DDX3X: variants seen among roughly 807,000 people sequenced by gnomAD.
DDX3X encodes the protein DEAD-box helicase 3 X-linked.
In DDX3X, 4 loss-of-function variants were observed where a neutral mutation model predicts 52.7. That is an observed-to-expected ratio of 0.08 (90% confidence interval 0.04 to 0.17). The LOEUF is 0.17. Among genes scored for constraint, DDX3X ranks in the 10% least tolerant of loss-of-function variants. DDX3X has a pLI of 1.00. For synonymous variants in DDX3X, 192 were observed against 178.1 expected, an observed-to-expected ratio of 1.08 and a Z score of -0.62; for missense variants, 222 against 548.6, an observed-to-expected ratio of 0.40 and a Z score of 5.95.
chrX:41,354,344 CTT>C (rs60965317), downstream of DDX3X, among the ~76,000 whole-genome samples: 17 of 69,910 alleles, frequency 2.4e-4, no homozygotes, highest in East Asian at 7.8e-4. Context: ...TGTGCTACCT[CTT>C]TTTTTTTTTT....
rs1227389622 is a variant in DDX3X, at chrX:41,344,035, T to C, written c.771T>C (p.Asn257=). Residue 257 remains asparagine, a synonymous_variant, in exon 9 of 17, where the codon AAT becomes AAC. Coordinates refer to ENST00000644876, the MANE Select transcript of DDX3X (RefSeq NM_001356.5). ...PGEALRAMKE[N]GRYGRRKQYP... ...AAAATTAACTTATTTCTTAGGAAAA[T>C]GGAAGGTATGGGCGCCGCAAACAAT... 1.7e-6 allele frequency: 2 copies of C among 1,200,723 alleles called. No individual in the cohort carries two copies. The highest frequency in any genetic ancestry group is 3.0e-5 in the East Asian group (1 of 33,663).
chrX:41,340,497 C>T (rs1602124984), intron 3 of DDX3X: 1 of 186,824 alleles, frequency 5.4e-6, no homozygotes, highest in Non-Finnish European at 9.8e-6. Context: ...GTTAAACCCT[C>T]TACCTGTCTT....
intron 3 of DDX3X, 108 bp from the exon 4 acceptor site, chrX:41,341,376 G>C: frequency 1.6e-6 from 1 of 616,978 alleles, no homozygotes; most frequent in Non-Finnish European, 2.4e-6. Context: ...CAGTGCCATG[G>C]TAGGGATAGT....
At chrX:41,351,454 GT>G (rs2063985762), downstream of DDX3X, 1 of 111,460 alleles carries the variant, frequency 9.0e-6, no homozygotes, top group Middle Eastern at 4.6e-3. Flanking sequence ...TGCTTAAAAT[GT>G]TTCCTTTGCT....
chrX:41,337,365 G>A, intron 1 of DDX3X, 43 bp from the exon 2 acceptor site: 2 of 1,131,724 alleles, frequency 1.8e-6, no homozygotes, highest in Non-Finnish European at 2.4e-6. Flanking sequence ...TCTTAATGTA[G>A]TATTTGAGCA....
chrX:41,334,477 G>A (rs2063726640), intron 1 of DDX3X, 180 bp downstream of exon 1: 3 of 1,098,188 alleles, frequency 2.7e-6, no homozygotes, highest in African/African-American at 3.7e-5. Flanking sequence ...GCTGTCGCCC[G>A]GGCCCGGTCT....
intron 5 of DDX3X, among the ~76,000 whole-genome samples, chrX:41,358,543 T>C (rs968716250): frequency 9.0e-6 from 1 of 111,628 alleles, no homozygotes; most frequent in East Asian, 2.8e-4. Context: ...TCAGCATGCA[T>C]TCAACTTAAT....
chrX:41,341,411 A>G (rs2063848136), intron 3 of DDX3X, 73 bp from the exon 4 acceptor site: 2 of 921,330 alleles, frequency 2.2e-6, no homozygotes, highest in African/African-American at 4.0e-5. Flanking sequence ...AAATTCAGAA[A>G]GATTGATAAT....
In DDX3X at chrX:41,355,490, C is replaced by A. The variant is rs369881505; in HGVS notation, c.654+8039C>A. On this transcript the variant is annotated intron_variant, in intron 5 of 5. Coordinates refer to the DDX3X transcript ENST00000616050. ...TTCTTACTATTATTATTTTTTGAGA[C>A]AGGGTCCCACTCTGTCACCCAGGCT... Among the ~76,000 whole-genome samples, 10 of 109,846 alleles carry A rather than the reference C, an allele frequency of 9.1e-5. No homozygotes were observed. In the East Asian group the frequency reaches 2.3e-3, roughly 25 times the overall value.
chrX:41,361,608 T>C (rs2064030140), intron 5 of DDX3X, among the ~76,000 whole-genome samples: 2 of 111,503 alleles, frequency 1.8e-5, no homozygotes, highest in African/African-American at 6.5e-5. Flanking sequence ...CTCATGGACA[T>C]GCTTTAGTCC....
downstream of DDX3X, chrX:41,351,467 C>T (rs1728623609): frequency 9.0e-6 from 1 of 111,225 alleles, no homozygotes; most frequent in Non-Finnish European, 1.9e-5. Flanking sequence ...TCCTTTGCTC[C>T]TATGCTCTAC....
Position 41,341,465 on chromosome X carries a change from TG to T in DDX3X, c.152-18del, listed in dbSNP as rs775104021. On this transcript the variant is annotated intron_variant, in intron 3 of 16. Transcript: ENST00000644876. ...TTTCTAATTAATAATAAAATGTATT[TG>T]TGCTTTTTTAATCAAAGGTTTCTAC... 1.7e-6 allele frequency: 2 copies of T among 1,169,697 alleles called. No homozygotes were observed. The highest frequency in any genetic ancestry group is 4.6e-5 in the Admixed American group (2 of 43,900).
At chrX:41,354,164 T>G (rs1289997697), downstream of DDX3X, among the ~76,000 whole-genome samples, 1 of 110,560 alleles carries the variant, frequency 9.0e-6, no homozygotes, top group Non-Finnish European at 1.9e-5. Context: ...TCTGGCATAC[T>G]GCAGTACAAA....
chrX:41,364,315 G>T, exon 6 of DDX3X: 1 of 297,343 alleles, frequency 3.4e-6, no homozygotes, highest in South Asian at 2.0e-4. Flanking sequence ...ACTGGTCTGT[G>T]ACCACAAAGA....
intron 12 of DDX3X, 123 bp downstream of exon 12, chrX:41,345,671 C>A: frequency 4.7e-6 from 3 of 638,971 alleles, no homozygotes; most frequent in Non-Finnish European, 7.0e-6. Flanking sequence ...ATTTGACCTG[C>A]TCTGTTTCTG....
At chrX:41,334,621 T>C (rs950441655) in intron 1 of DDX3X, 15 of 1,078,129 alleles carry the variant, frequency 1.4e-5, no homozygotes, top group South Asian at 2.0e-5. Context: ...ATTAGTGACC[T>C]GGGGGGGTTT....
downstream of DDX3X, among the ~76,000 whole-genome samples, chrX:41,354,145 A>G (rs1227992632): frequency 9.0e-6 from 1 of 110,588 alleles, no homozygotes; most frequent in Non-Finnish European, 1.9e-5. Flanking sequence ...GTTTCCCCCA[A>G]TGGTAACATC....
In DDX3X at chrX:41,334,308, A is replaced by G. The variant is rs1379785745; in HGVS notation, c.45+11A>G. 8.3e-7 allele frequency: 1 copy of G among 1,209,320 alleles called. No individual in the cohort carries two copies. Among genetic ancestry groups the G allele is most frequent in the Non-Finnish European group, 1.1e-6 (1 of 894,415 alleles). On this transcript the variant is annotated intron_variant, in intron 1 of 16. Transcript: ENST00000644876. ...GGGCTGGACCAGCAGGTGAGCCGCA[A>G]GAACCCCACCGGGCTGGCTGCTGCG... is the stretch of plus-strand genomic sequence containing the variant.
intron 5 of DDX3X, among the ~76,000 whole-genome samples, chrX:41,361,631 G>A (rs1325770350): frequency 9.0e-6 from 1 of 111,388 alleles, no homozygotes; most frequent in Non-Finnish European, 1.9e-5. Flanking sequence ...AGGTTTCCAT[G>A]TGCGCACACT....
Sources: allele counts gnomAD v4.1 joint callset (sites outside exome capture counted in the v4.1 genomes callset), GRCh38; gene constraint gnomAD v4.1.1; transcripts MANE v1.5; gene names NCBI Gene and HGNC (gene_info 2026-07-23, HGNC 2026-07-21).